CERT1: variants seen among roughly 807,000 people sequenced by gnomAD.
CERT1 encodes ceramide transporter 1.
In CERT1, 31 loss-of-function variants were observed where a neutral mutation model predicts 87.9. The observed-to-expected ratio is 0.35, with a 90% CI of 0.27 to 0.48. The LOEUF (loss-of-function observed/expected upper bound fraction) is 0.48. Among genes scored for constraint, CERT1 ranks in the 20% least tolerant of loss-of-function variants. The probability of loss-of-function intolerance (pLI) is 0.99; values close to 1 mark genes in which losing one functional copy is unlikely to be tolerated. For missense variants in CERT1, 487 were observed against 758.0 expected, an observed-to-expected ratio of 0.64 and a Z score of 4.20; for synonymous variants, 289 against 250.9, an observed-to-expected ratio of 1.15 and a Z score of -1.44.
At chr5:75,420,181 G>A (rs1561249854) in intron 5 of CERT1, among the ~76,000 whole-genome samples, 2 of 151,756 alleles carry the variant, frequency 1.3e-5, no homozygotes, top group African/African-American at 2.4e-5. Context: ...GTTTCACTAT[G>A]TTGGCCAGGC....
intron 2 of CERT1, among the ~76,000 whole-genome samples, chr5:75,478,281 T>G (rs1766066208): frequency 6.6e-6 from 1 of 151,246 alleles, no homozygotes. Flanking sequence ...GCTGCTGCAT[T>G]CCAGCCTGGG....
intron 3 of CERT1, among the ~76,000 whole-genome samples, chr5:75,427,320 C>A (rs759805137): frequency 6.6e-6 from 1 of 152,180 alleles, no homozygotes; most frequent in African/African-American, 2.4e-5. Context: ...TTAGGCCAGG[C>A]GCGGTGGCTC....
At chr5:75,467,831 T>C (rs1352690099) in intron 2 of CERT1, among the ~76,000 whole-genome samples, 2 of 152,174 alleles carry the variant, frequency 1.3e-5, no homozygotes, top group Admixed American at 1.3e-4. Context: ...CCAATGTTAA[T>C]TTCCTGTTTT....
At chr5:75,398,542 G>C (rs1054980390) in intron 11 of CERT1, among the ~76,000 whole-genome samples, 1 of 152,024 alleles carries the variant, frequency 6.6e-6, no homozygotes, top group African/African-American at 2.4e-5. Context: ...ATATAATCTA[G>C]TCCAATAAAA....
At chr5:75,511,827 G>C (rs1447214575), upstream of CERT1, 1 of 1,551,080 alleles carries the variant, frequency 6.4e-7, no homozygotes, top group East Asian at 2.4e-5. Context: ...GCGGGGTAGG[G>C]ATGCAGCTGT....
chr5:75,390,103 A>G (rs181102087), intron 11 of CERT1, among the ~76,000 whole-genome samples: 197 of 152,320 alleles, frequency 1.3e-3, no homozygotes, highest in African/African-American at 4.5e-3. Context: ...TTATGTGGAG[A>G]TATCAGGAAG....
chr5:75,435,177 G>C (rs917964564), intron 3 of CERT1, among the ~76,000 whole-genome samples: 1 of 152,140 alleles, frequency 6.6e-6, no homozygotes, highest in Non-Finnish European at 1.5e-5. Context: ...TGATTCAAAG[G>C]AGTGGTCTTC....
At chr5:75,395,350 C>A (rs1309358712) in intron 11 of CERT1, among the ~76,000 whole-genome samples, 2 of 152,016 alleles carry the variant, frequency 1.3e-5, no homozygotes, top group Non-Finnish European at 2.9e-5. Flanking sequence ...AACTTGCCAG[C>A]CTGGGCAACA....
chr5:75,411,407 G>C (rs923285877), intron 7 of CERT1, among the ~76,000 whole-genome samples: 1 of 152,152 alleles, frequency 6.6e-6, no homozygotes, highest in African/African-American at 2.4e-5. Flanking sequence ...TCCGCCTCCT[G>C]GGTTCAAGCA....
At position 75,399,266 on chromosome 5, in the gene CERT1, T is replaced by C. The variant is rs182888954; in HGVS notation, c.1188+44A>G. ...GGAACTGGGAAAGCAGGCTGAAATA[T>C]AGCACAGAAAGACTCAAGTCCACTC... On this transcript the variant is annotated intron_variant, in intron 11 of 16. Transcript: ENST00000643780. 6.2e-5 allele frequency: 87 copies of C among 1,406,348 alleles called. No homozygotes were observed. In the East Asian group the frequency reaches 1.1e-3, roughly 18 times the overall value. 87.1% of individuals were successfully genotyped at this position (1,406,348 alleles called of 1,614,324 possible).
chr5:75,511,853 G>A (rs2112497598), upstream of CERT1: 1 of 1,543,278 alleles, frequency 6.5e-7, no homozygotes. Flanking sequence ...ATTCTGGGAA[G>A]GGCGTTGGTC....
At chr5:75,410,381 G>A (rs887827286) in intron 8 of CERT1, among the ~76,000 whole-genome samples, 6 of 151,998 alleles carry the variant, frequency 3.9e-5, no homozygotes, top group South Asian at 4.1e-4. Flanking sequence ...AGGCTGAGGC[G>A]GGCGGATCAC....
At chr5:75,418,030 C>T (rs966469826) in intron 6 of CERT1, among the ~76,000 whole-genome samples, 7 of 152,148 alleles carry the variant, frequency 4.6e-5, no homozygotes, top group Admixed American at 1.3e-4. Flanking sequence ...GTGGCGCATG[C>T]CTGTAATCCC....
Position 75,389,663 on chromosome 5 carries a change from T to C in CERT1, c.1213A>G (p.Met405Val), listed in dbSNP as rs931432515. Reference protein sequence around the residue: ...SQVEEMVQNHMTYSLQDVGGD... With the variant: ...SQVEEMVQNHVTYSLQDVGGD... ...CCTACATCCTGTAATGAGTAAGTCATGTGGTTCTGCACCATCTCTTCAACC... is the reference window on the plus strand; with the variant it reads ...CCTACATCCTGTAATGAGTAAGTCACGTGGTTCTGCACCATCTCTTCAACC... Residue 405 changes from methionine (M) to valine (V), a missense_variant, in exon 12 of 17, where the codon ATG becomes GTG. By Grantham distance (21) the Met-to-Val change is conservative. This residue lies in a region of CERT1 where 91 missense variants were observed against 86.7 expected (regional missense o/e 1.05). Transcript: ENST00000643780. 3.1e-6 allele frequency: 5 copies of C among 1,613,948 alleles called. No homozygotes were observed. Among genetic ancestry groups the C allele is most frequent in the Middle Eastern group, 1.6e-4 (1 of 6,080 alleles).
intron 9 of CERT1, chr5:75,401,719 T>C (rs1322588880): frequency 4.6e-5 from 7 of 152,134 alleles, no homozygotes; most frequent in Non-Finnish European, 1.0e-4. Context: ...TTTAAAAAAA[T>C]AACGAAAGAT....
In CERT1 at chr5:75,402,982, A is replaced by G. The variant is rs758933108; in HGVS notation, c.1007T>C (p.Ile336Thr). ...VEAALDRQDK[I>T]EEQSQSEKVR... ...CAATAATAGATATACCTGTTCTTCTATTTTATCTTGTCTGTCAAGAGCAGC... is the reference window on the plus strand; with the variant it reads ...CAATAATAGATATACCTGTTCTTCTGTTTTATCTTGTCTGTCAAGAGCAGC... Residue 336 changes from isoleucine (I) to threonine (T), a missense_variant, in exon 9 of 17, where the codon ATA (isoleucine) becomes ACA (threonine). By Grantham distance (89) the Ile-to-Thr change is moderately conservative (BLOSUM62 -1). Around this residue, in one of 8 missense-constraint regions of CERT1, gnomAD observed 91 missense variants for 86.7 expected, o/e 1.05. Transcript: ENST00000643780. The G allele has an allele frequency of 3.7e-6, 6 of 1,607,518 alleles. No individual in the cohort carries two copies. The highest frequency in any genetic ancestry group is 1.3e-5 in the African/African-American group (1 of 74,768).
At chr5:75,432,667 T>C (rs1763923019) in intron 3 of CERT1, among the ~76,000 whole-genome samples, 2 of 152,252 alleles carry the variant, frequency 1.3e-5, no homozygotes, top group Non-Finnish European at 2.9e-5. Flanking sequence ...GTTTACTCTG[T>C]TGATAGTTTC....
chr5:75,463,296 T>C (rs935370982), intron 2 of CERT1, among the ~76,000 whole-genome samples: 3 of 152,152 alleles, frequency 2.0e-5, no homozygotes, highest in Non-Finnish European at 2.9e-5. Context: ...CACAATTAAA[T>C]ACTAAGGATA....
intron 3 of CERT1, among the ~76,000 whole-genome samples, chr5:75,448,890 A>G (rs1183009139): frequency 6.6e-6 from 1 of 152,176 alleles, no homozygotes; most frequent in African/African-American, 2.4e-5. Flanking sequence ...TGTTATCTAA[A>G]TAGTTTACAA....
Sources: allele counts gnomAD v4.1 joint callset (sites outside exome capture counted in the v4.1 genomes callset), GRCh38; gene constraint gnomAD v4.1.1; regional missense constraint gnomAD v4.1.1; transcripts MANE v1.5; gene names NCBI Gene and HGNC (gene_info 2026-07-23, HGNC 2026-07-21).